C6: variants seen among roughly 807,000 people sequenced by gnomAD.
The protein encoded by C6 is complement component C6.
In C6, 101 loss-of-function variants were observed where a neutral mutation model predicts 112.9. The ratio of observed to expected loss-of-function variants is 0.89; its 90% CI spans 0.76 to 1.06. C6 has a LOEUF of 1.06. Among genes scored for constraint, C6 ranks in the 50% least tolerant of loss-of-function variants. The pLI, the probability that C6 is intolerant of heterozygous loss-of-function variation, is 0.00. For synonymous variants in C6, 431 were observed against 384.1 expected (o/e 1.12, Z -1.43); for missense variants, 1,202 against 1,104.6 (o/e 1.09, Z -1.25).
intron 6 of C6, among the ~76,000 whole-genome samples, chr5:41,183,098 T>A (rs1749480200): frequency 6.6e-6 from 1 of 152,210 alleles, no homozygotes; most frequent in African/African-American, 2.4e-5. Context: ...TTTTCCATTG[T>A]GCATATATTC....
chr5:41,160,106 A>G (rs764793436), intron 11 of C6, 36 bp downstream of exon 11: 4 of 1,539,940 alleles, frequency 2.6e-6, no homozygotes, highest in Admixed American at 1.7e-5. Flanking sequence ...TGGAGGGGAA[A>G]ACTTATCTAC....
At chr5:41,243,467 T>A (rs142659397) in intron 1 of C6, among the ~76,000 whole-genome samples, 18 of 152,358 alleles carry the variant, frequency 1.2e-4, no homozygotes, top group African/African-American at 3.8e-4. Context: ...TAGTGCTTCA[T>A]AATAATCCAT....
At chr5:41,169,753 T>C (rs566356182) in intron 9 of C6, among the ~76,000 whole-genome samples, 1 of 152,094 alleles carries the variant, frequency 6.6e-6, no homozygotes, top group East Asian at 1.9e-4. Flanking sequence ...GAACTCACTA[T>C]CACGAGAACA....
chr5:41,149,115 T>A (rs1746125833), intron 17 of C6, 126 bp downstream of exon 17: 1 of 1,220,664 alleles, frequency 8.2e-7, no homozygotes, highest in South Asian at 1.2e-5. Context: ...AATCATTTTA[T>A]GAATTTTTTT....
At chr5:41,212,927 G>A (rs890105818) in intron 1 of C6, 10 of 152,182 alleles carry the variant, frequency 6.6e-5, no homozygotes, top group African/African-American at 2.4e-4. Flanking sequence ...AGATTTCTGA[G>A]GATGCTCTAG....
At chr5:41,192,734 T>C (rs1750314740) in intron 5 of C6, among the ~76,000 whole-genome samples, 1 of 152,184 alleles carries the variant, frequency 6.6e-6, no homozygotes, top group Non-Finnish European at 1.5e-5. Context: ...GGGATGAATC[T>C]TAAAAACATT....
intron 1 of C6, among the ~76,000 whole-genome samples, chr5:41,256,443 TAA>T (rs5867547): frequency 4.1e-5 from 5 of 122,902 alleles, no homozygotes; most frequent in East Asian, 2.4e-4. Flanking sequence ...AAAAAAAAAG[TAA>T]AAAAAAAAAA....
chr5:41,159,775 C>T (rs1185051335), intron 11 of C6, among the ~76,000 whole-genome samples: 1 of 152,012 alleles, frequency 6.6e-6, no homozygotes, highest in Non-Finnish European at 1.5e-5. Flanking sequence ...ACATAAGAGG[C>T]TTATAATATC....
intron 1 of C6, among the ~76,000 whole-genome samples, chr5:41,235,174 C>T (rs1366459191): frequency 3.5e-5 from 5 of 144,574 alleles, no homozygotes; most frequent in Admixed American, 6.9e-5. Context: ...GCGCTGCACC[C>T]ACTAACGTGT....
chr5:41,208,259 G>C (rs537221837), intron 1 of C6, among the ~76,000 whole-genome samples: 83 of 152,262 alleles, frequency 5.5e-4, no homozygotes, highest in African/African-American at 1.9e-3. Context: ...ATGCCCACAA[G>C]AGAAAGCAGG....
intron 1 of C6, among the ~76,000 whole-genome samples, chr5:41,240,288 GA>G (rs1740617289): frequency 6.6e-6 from 1 of 152,138 alleles, no homozygotes; most frequent in Non-Finnish European, 1.5e-5. Context: ...GGTGGGCCAA[GA>G]ATGCCTGTTC....
In C6 at chr5:41,166,923, C is replaced by T. The variant is rs150699504; in HGVS notation, c.1292-5064G>A. On this transcript the variant is annotated intron_variant, in intron 9 of 17. Transcript: ENST00000337836. ...GCAGAAAAGCACAATAATTATTCCC[C>T]TTGTTGTTTAGTCTTAGTTTTATAC... Among the ~76,000 whole-genome samples the T allele has an allele frequency of 3.4e-4, 51 of 152,154 alleles. 1 individual carries two copies. The East Asian group carries it at 8.9e-3, about 26-fold the overall frequency.
At chr5:41,161,239 T>C (rs973987858) in intron 10 of C6, among the ~76,000 whole-genome samples, 2 of 152,124 alleles carry the variant, frequency 1.3e-5, no homozygotes, top group African/African-American at 4.8e-5. Context: ...TTTAATGTAA[T>C]TACAACAAAT....
At chr5:41,250,330 C>T (rs115583729) in intron 1 of C6, among the ~76,000 whole-genome samples, 234 of 152,238 alleles carry the variant, frequency 1.5e-3, no homozygotes, top group African/African-American at 5.2e-3. Flanking sequence ...TTAAAATTAC[C>T]GGCATGAGTT....
intron 1 of C6, among the ~76,000 whole-genome samples, chr5:41,254,362 C>T (rs934954262): frequency 2.0e-5 from 3 of 152,080 alleles, no homozygotes; most frequent in Non-Finnish European, 2.9e-5. Context: ...GCCGAGACTG[C>T]ACCACTGTAC....
chr5:41,256,429 TAAAAAAAAAAAAGTAAAA>T (rs1561210214), intron 1 of C6, among the ~76,000 whole-genome samples: 1 of 135,794 alleles, frequency 7.4e-6, no homozygotes, highest in Non-Finnish European at 1.5e-5. Flanking sequence ...AAAGTATAAT[TAAAAAAAAAAAAGTAAAA>T]AAAAAAAAAA....
intron 15 of C6, among the ~76,000 whole-genome samples, chr5:41,150,915 G>C (rs1224647065): frequency 6.6e-6 from 1 of 151,488 alleles, no homozygotes. Context: ...GGCAGCATGT[G>C]AGTTTCCTGG....
chr5:41,254,782 G>A (rs1741579046), intron 1 of C6, among the ~76,000 whole-genome samples: 1 of 152,178 alleles, frequency 6.6e-6, no homozygotes, highest in African/African-American at 2.4e-5. Context: ...AAGAACAGTT[G>A]CAATCCAGAA....
chr5:41,251,141 T>C (rs1741333812), intron 1 of C6, among the ~76,000 whole-genome samples: 1 of 152,196 alleles, frequency 6.6e-6, no homozygotes, highest in South Asian at 2.1e-4. Flanking sequence ...ATCTTACATA[T>C]TATTCTCCTG....
Sources: allele counts gnomAD v4.1 joint callset (sites outside exome capture counted in the v4.1 genomes callset), GRCh38; gene constraint gnomAD v4.1.1; transcripts MANE v1.5; gene names NCBI Gene and HGNC (gene_info 2026-07-23, HGNC 2026-07-21).